TMX4: variants seen among roughly 807,000 people sequenced by gnomAD.
The protein encoded by TMX4 is thioredoxin related transmembrane protein 4.
A neutral mutation model predicts 33.3 loss-of-function variants in TMX4; 23 were observed. That is an observed-to-expected ratio of 0.69 (90% CI 0.50 to 0.98). The LOEUF (loss-of-function observed/expected upper bound fraction) is 0.98. Among genes scored for constraint, TMX4 ranks in the 50% least tolerant of loss-of-function variants. The probability of loss-of-function intolerance (pLI) is 0.00; values close to 1 mark genes in which losing one functional copy is unlikely to be tolerated. For missense variants in TMX4, 399 were observed against 448.9 expected (o/e 0.89, Z 1.01); for synonymous variants, 164 against 161.5 (o/e 1.02, Z -0.12).
intron 5 of TMX4, among the ~76,000 whole-genome samples, chr20:7,988,022 A>T (rs1267437337): frequency 6.6e-6 from 1 of 152,196 alleles, no homozygotes; most frequent in African/African-American, 2.4e-5. Flanking sequence ...CTATTTGATG[A>T]CAAACACTCT....
intron 5 of TMX4, among the ~76,000 whole-genome samples, chr20:7,994,548 C>T (rs1023874078): frequency 6.6e-6 from 1 of 152,186 alleles, no homozygotes; most frequent in African/African-American, 2.4e-5. Flanking sequence ...ATCTTCCCTG[C>T]TATCGTCTTT....
intron 1 of TMX4, among the ~76,000 whole-genome samples, chr20:8,017,834 C>A (rs1454562674): frequency 6.6e-6 from 1 of 152,148 alleles, no homozygotes; most frequent in Non-Finnish European, 1.5e-5. Flanking sequence ...TAGAATATGA[C>A]CCCCTCACCT....
intron 4 of TMX4, among the ~76,000 whole-genome samples, chr20:7,998,441 T>C (rs2050686708): frequency 6.6e-6 from 1 of 152,140 alleles, no homozygotes; most frequent in Non-Finnish European, 1.5e-5. Context: ...ACATCCCCAC[T>C]GCTGCCACCT....
At chr20:7,985,277 A>ATTT (rs1214396295) in intron 6 of TMX4, among the ~76,000 whole-genome samples, 5,235 of 110,500 alleles carry the variant, frequency 0.047, 154 homozygotes, top group Middle Eastern at 0.092. Context: ...ATATATATAT[A>ATTT]TTTTTTTTTT....
chr20:8,018,615 T>C (rs1327050969), intron 1 of TMX4, among the ~76,000 whole-genome samples: 1 of 151,892 alleles, frequency 6.6e-6, no homozygotes, highest in East Asian at 2.0e-4. Flanking sequence ...GGTCACTTCC[T>C]ATTATAAGGT....
intron 5 of TMX4, among the ~76,000 whole-genome samples, chr20:7,993,830 G>A (rs566149190): frequency 3.9e-5 from 6 of 151,914 alleles, no homozygotes; most frequent in Admixed American, 2.6e-4. Flanking sequence ...TATCATTTGC[G>A]TTCTTTTATG....
intron 2 of TMX4, among the ~76,000 whole-genome samples, chr20:8,005,538 A>G (rs2050725438): frequency 6.6e-6 from 1 of 152,174 alleles, no homozygotes; most frequent in Non-Finnish European, 1.5e-5. Flanking sequence ...CTAGGCGAGG[A>G]CAGGCATTTC....
At chr20:7,984,676 C>T (rs2050622972) in intron 6 of TMX4, among the ~76,000 whole-genome samples, 1 of 152,130 alleles carries the variant, frequency 6.6e-6, no homozygotes. Context: ...TGATGGGGTA[C>T]AATGTGATGT....
rs571661632 is a variant in TMX4 at position 8,007,009 on chromosome 20, C to T, written c.292+3191G>A. On this transcript the variant is annotated intron_variant, in intron 2 of 7. Coordinates refer to ENST00000246024, the MANE Select transcript of TMX4 (RefSeq NM_021156.4). ...CTTGAACTCCTGACCTAAGTTGATC[C>T]GCTCGCCTCGGCCTCCCAGAGTGCT... is the stretch of plus-strand genomic sequence containing the variant. 7.9e-5 allele frequency among the ~76,000 whole-genome samples: 12 copies of T among 152,276 alleles called. No individual in the cohort carries two copies. The South Asian group carries it at 8.3e-4, about 11-fold the overall frequency.
At chr20:7,987,637 T>C (rs2050636697) in intron 5 of TMX4, among the ~76,000 whole-genome samples, 1 of 152,160 alleles carries the variant, frequency 6.6e-6, no homozygotes, top group South Asian at 2.1e-4. Flanking sequence ...TAGAATCGTT[T>C]TGATAGTCCT....
At chr20:8,017,911 T>C (rs762850923) in intron 1 of TMX4, among the ~76,000 whole-genome samples, 1 of 152,194 alleles carries the variant, frequency 6.6e-6, no homozygotes, top group South Asian at 2.1e-4. Flanking sequence ...AATAATTTCA[T>C]TGATTTATTA....
chr20:8,003,966 C>G (rs2122870871), intron 2 of TMX4, among the ~76,000 whole-genome samples: 1 of 152,182 alleles, frequency 6.6e-6, no homozygotes, highest in Non-Finnish European at 1.5e-5. Flanking sequence ...GCACCCAACT[C>G]AGACACGAGT....
rs1202041140 is a variant in TMX4, at chr20:7,980,959, A to T, written c.*1292T>A. On this transcript the variant is annotated 3_prime_UTR_variant, in exon 8 of 8. Transcript: ENST00000246024. ...TATTCTGTCTGGATCTAAGGAGCAT[A>T]GAATCAACTTTAGGCATCTTTCGTA... 2 of 152,226 alleles carry T rather than the reference A, an allele frequency of 1.3e-5. No individual in the cohort carries two copies. Among genetic ancestry groups the T allele is most frequent in the Non-Finnish European group, 2.9e-5 (2 of 68,034 alleles). 9.4% of individuals were successfully genotyped at this position (152,226 alleles called of 1,614,324 possible).
rs1189810718 is a variant in TMX4, at chr20:7,978,409, T to C, written c.*3842A>G. 1 of 152,218 alleles carries C rather than the reference T, an allele frequency of 6.6e-6. No homozygotes were observed. The highest frequency in any genetic ancestry group is 1.5e-5 in the Non-Finnish European group (1 of 68,038). The allele number at this position is 152,218 out of a possible 1,614,324, so 9.4% of individuals were successfully genotyped here. ...ATGCATTTGGTAATAAAAAGTCACA[T>C]GGTAAGTATTTGCCTTAAAAATGAC... On this transcript the variant is annotated 3_prime_UTR_variant, in exon 8 of 8. Transcript: ENST00000246024.
chr20:7,990,590 T>G (rs2050650419), intron 5 of TMX4, among the ~76,000 whole-genome samples: 5 of 152,172 alleles, frequency 3.3e-5, no homozygotes. Flanking sequence ...TCTAAACTAC[T>G]GCAGGTTGGA....
chr20:8,018,940 T>C (rs761987896), intron 1 of TMX4: 42 of 423,844 alleles, frequency 9.9e-5, no homozygotes, highest in Non-Finnish European at 1.7e-4. Context: ...TTCACCGTGC[T>C]GCAATTTCTT....
rs2050806791 is a variant in TMX4, at chr20:8,019,754, C to T, written c.-141G>A. ...GCCTACGCCTAGCGGCGCAGACTGG[C>T]GGTGCTCGCAATGCCGCGGAGGACG... On this transcript the variant is annotated 5_prime_UTR_variant, in exon 1 of 8. Transcript: ENST00000246024. 1.4e-6 allele frequency: 1 copy of T among 706,610 alleles called. No individual in the cohort carries two copies. The highest frequency in any genetic ancestry group is 3.6e-5 in the East Asian group (1 of 28,126). 43.8% of individuals were successfully genotyped at this position (706,610 alleles called of 1,614,324 possible). A position where few individuals can be genotyped will look rare whatever the true frequency, so the allele number is the denominator to read the frequency against.
Position 8,019,614 on chromosome 20 carries a change from G to GT in TMX4, c.-2dup. On this transcript the variant is annotated 5_prime_UTR_variant, in exon 1 of 8. Coordinates refer to ENST00000246024, the MANE Select transcript of TMX4 (RefSeq NM_021156.4). ...GCGGGCCGCAGCGCCCACCCGCCATGTTGGGCGCCGAGCGAGGCTTCTCGG... is the reference window on the plus strand; with the variant it reads ...GCGGGCCGCAGCGCCCACCCGCCATGTTTGGGCGCCGAGCGAGGCTTCTCGG... 1 of 1,341,434 alleles carries GT rather than the reference G, an allele frequency of 7.5e-7. No homozygotes were observed. The highest frequency in any genetic ancestry group is 1.5e-5 in the African/African-American group (1 of 64,800). 83.1% of individuals were successfully genotyped at this position (1,341,434 alleles called of 1,614,324 possible). A position where few individuals can be genotyped will look rare whatever the true frequency, so the allele number is the denominator to read the frequency against.
chr20:7,996,023 T>C lies in TMX4; in HGVS notation c.513+3A>G. On this transcript the variant is annotated splice_donor_region_variant and intron_variant, in intron 5 of 7. Coordinates refer to ENST00000246024, the MANE Select transcript of TMX4 (RefSeq NM_021156.4). ...TATAAACGTTTTATTTAAGATTACT[T>C]ACCCATATCTTGCCAGAGATGCTAA... 1 of 1,603,654 alleles carries C rather than the reference T, an allele frequency of 6.2e-7. No homozygotes were observed. The highest frequency in any genetic ancestry group is 8.5e-7 in the Non-Finnish European group (1 of 1,174,850).
Sources: gnomAD v4.1 joint callset for allele counts (sites outside exome capture counted in the v4.1 genomes callset) on GRCh38, gnomAD v4.1.1 for gene constraint, MANE v1.5 for transcripts, NCBI Gene and HGNC (gene_info 2026-07-23, HGNC 2026-07-21) for gene names.